Variants in WDR7 observed in about 807,000 individuals in gnomAD.
WDR7 encodes the protein WD repeat-containing protein 7.
Under a neutral mutation model 169.4 loss-of-function variants are expected in WDR7, and 46 were observed. The observed-to-expected ratio is 0.27, with a 90% CI of 0.21 to 0.35. The LOEUF is 0.35. Among genes scored for constraint, WDR7 ranks in the 10% least tolerant of loss-of-function variants. WDR7 has a pLI of 1.00. For missense variants in WDR7, 1,534 were observed against 1,859.3 expected, an observed-to-expected ratio of 0.83 and a Z score of 3.22; for synonymous variants, 612 against 666.8, an observed-to-expected ratio of 0.92 and a Z score of 1.27.
intron 13 of WDR7, among the ~76,000 whole-genome samples, chr18:56,724,001 A>T (rs1047944121): frequency 6.6e-6 from 1 of 151,740 alleles, no homozygotes; most frequent in African/African-American, 2.4e-5. Context: ...CAAACACTGT[A>T]GTTTACATTT....
At chr18:56,754,285 GTA>G (rs778530794) in intron 14 of WDR7, among the ~76,000 whole-genome samples, 2,423 of 131,510 alleles carry the variant, frequency 0.018, 42 homozygotes, top group Middle Eastern at 0.072. Flanking sequence ...GTGTGTGTGT[GTA>G]TATGTGTGTG....
intron 4 of WDR7, 129 bp downstream of exon 4, chr18:56,681,520 G>T: frequency 1.8e-6 from 1 of 549,534 alleles, no homozygotes. Context: ...AAGAAAACTA[G>T]AATTGAAGCG....
intron 26 of WDR7, among the ~76,000 whole-genome samples, chr18:57,000,420 A>G (rs555172544): frequency 6.6e-6 from 1 of 152,224 alleles, no homozygotes; most frequent in Non-Finnish European, 1.5e-5. Context: ...CCTTCATTGA[A>G]TATTATTTTT....
At chr18:56,719,472 G>C (rs1016099735) in intron 13 of WDR7, among the ~76,000 whole-genome samples, 1 of 149,772 alleles carries the variant, frequency 6.7e-6, no homozygotes, top group African/African-American at 2.5e-5. Flanking sequence ...TGAGGCAGGA[G>C]AATGGCGTGA....
At chr18:56,764,005 CCTT>C (rs2044022968) in intron 16 of WDR7, among the ~76,000 whole-genome samples, 2 of 151,218 alleles carry the variant, frequency 1.3e-5, no homozygotes, top group South Asian at 2.1e-4. Flanking sequence ...AAAGAACTAG[CCTT>C]CTATTCATTG....
chr18:56,907,757 T>C (rs9945880), intron 21 of WDR7, among the ~76,000 whole-genome samples: 11,135 of 152,212 alleles, frequency 0.073, 453 homozygotes, highest in East Asian at 0.1. Flanking sequence ...TGGTGCCTTC[T>C]TCCTGAGAGT....
At chr18:56,807,032 G>C (rs934696242) in intron 19 of WDR7, among the ~76,000 whole-genome samples, 3 of 150,670 alleles carry the variant, frequency 2.0e-5, no homozygotes, top group Non-Finnish European at 2.9e-5. Flanking sequence ...GTTTCCCTTT[G>C]ATTTCCAAAG....
chr18:56,860,986 C>CA (rs2045795889), intron 20 of WDR7, among the ~76,000 whole-genome samples: 1 of 151,980 alleles, frequency 6.6e-6, no homozygotes, highest in Non-Finnish European at 1.5e-5. Context: ...TCTAGAAATA[C>CA]AATTGCTCTA....
chr18:56,657,316 C>G (rs891367572), intron 1 of WDR7, among the ~76,000 whole-genome samples: 3 of 152,074 alleles, frequency 2.0e-5, no homozygotes, highest in African/African-American at 7.2e-5. Flanking sequence ...CGCCAGGACA[C>G]CCGGCCAATT....
At chr18:56,966,087 G>T (rs546483446) in intron 26 of WDR7, among the ~76,000 whole-genome samples, 1 of 152,180 alleles carries the variant, frequency 6.6e-6, no homozygotes, top group East Asian at 1.9e-4. Flanking sequence ...AGACATGGTG[G>T]TGGGCATAGT....
intron 19 of WDR7, among the ~76,000 whole-genome samples, chr18:56,794,390 A>G (rs2044548387): frequency 7.6e-6 from 1 of 130,998 alleles, no homozygotes; most frequent in Non-Finnish European, 1.5e-5. Context: ...GCTCAATGCA[A>G]GCTCTGCCTC....
At chr18:56,845,173 C>G (rs1056688827) in intron 20 of WDR7, among the ~76,000 whole-genome samples, 1 of 152,018 alleles carries the variant, frequency 6.6e-6, no homozygotes, top group African/African-American at 2.4e-5. Flanking sequence ...ATGTCCCACT[C>G]TATGCAGTTA....
chr18:56,927,787 A>G (rs7237084), intron 22 of WDR7, among the ~76,000 whole-genome samples: 30,792 of 152,154 alleles, frequency 0.2, 6,114 homozygotes, highest in African/African-American at 0.52. Flanking sequence ...ATATGTGAAA[A>G]GAACAACATT....
At chr18:57,014,887 G>A (rs1244708137) in intron 26 of WDR7, among the ~76,000 whole-genome samples, 1 of 152,006 alleles carries the variant, frequency 6.6e-6, no homozygotes, top group African/African-American at 2.4e-5. Flanking sequence ...AAGTAAAAGA[G>A]GGGGCAGGCT....
chr18:56,834,889 T>C (rs1428603958), intron 20 of WDR7, among the ~76,000 whole-genome samples: 2 of 152,202 alleles, frequency 1.3e-5, no homozygotes, highest in African/African-American at 4.8e-5. Context: ...CTTGGAATCT[T>C]TTTCAGTGCA....
chr18:56,682,982 A>G (rs778591143), intron 5 of WDR7, 129 bp downstream of exon 5: 23 of 979,706 alleles, frequency 2.3e-5, no homozygotes, highest in Non-Finnish European at 3.4e-5. Context: ...AACTACACCA[A>G]TAATTTATGG....
At chr18:56,936,724 G>A (rs146150011) in intron 23 of WDR7, among the ~76,000 whole-genome samples, 114 of 152,228 alleles carry the variant, frequency 7.5e-4, no homozygotes, top group African/African-American at 2.6e-3. Flanking sequence ...CATGCATTTC[G>A]CTGGGAGGGG....
At chr18:56,952,628 T>G (rs941299926) in intron 25 of WDR7, among the ~76,000 whole-genome samples, 11 of 152,226 alleles carry the variant, frequency 7.2e-5, no homozygotes, top group African/African-American at 2.7e-4. Flanking sequence ...AGTTCCTATT[T>G]TGTTTAATGC....
At chr18:56,851,697 G>A (rs193166021) in intron 20 of WDR7, among the ~76,000 whole-genome samples, 1 of 152,104 alleles carries the variant, frequency 6.6e-6, no homozygotes, top group Non-Finnish European at 1.5e-5. Flanking sequence ...AAATGTCAGG[G>A]TTATGAATGA....
Sources: allele counts gnomAD v4.1 joint callset (sites outside exome capture counted in the v4.1 genomes callset), GRCh38; gene constraint gnomAD v4.1.1; transcripts MANE v1.5; gene names NCBI Gene and HGNC (gene_info 2026-07-23, HGNC 2026-07-21).